Variants in SYT1 observed in about 807,000 individuals in gnomAD.
SYT1 encodes the protein synaptotagmin 1.
SYT1 carries 8 observed loss-of-function variants against 44.8 expected under a neutral mutation model. The ratio of observed to expected loss-of-function variants is 0.18; its 90% CI spans 0.10 to 0.32. SYT1 has a LOEUF of 0.32. SYT1 is among the 10% of genes least tolerant of loss of function. SYT1 has a pLI of 1.00. For synonymous variants in SYT1, 154 were observed against 188.8 expected (o/e 0.82, Z 1.51); for missense variants, 286 against 509.3 (o/e 0.56, Z 4.22).
chr12:79,013,777 A>G (rs1871584841), intron 2 of SYT1, among the ~76,000 whole-genome samples: 1 of 152,194 alleles, frequency 6.6e-6, no homozygotes, highest in Non-Finnish European at 1.5e-5. Context: ...GGGTAAGCTT[A>G]TGAAGGTTTT....
chr12:79,216,291 A>C (rs1415106251), intron 3 of SYT1, among the ~76,000 whole-genome samples: 1 of 152,098 alleles, frequency 6.6e-6, no homozygotes, highest in Non-Finnish European at 1.5e-5. Context: ...GCAAATTAAA[A>C]GGTTTTTATA....
chr12:79,082,271 T>G (rs1201740711), intron 3 of SYT1, among the ~76,000 whole-genome samples: 2 of 152,174 alleles, frequency 1.3e-5, no homozygotes, highest in Non-Finnish European at 2.9e-5. Flanking sequence ...TTCTGTATGT[T>G]TCCACAAAGG....
intron 6 of SYT1, among the ~76,000 whole-genome samples, chr12:79,293,378 AAT>A: frequency 7.1e-6 from 1 of 140,066 alleles, no homozygotes; most frequent in African/African-American, 2.8e-5. Context: ...AATAAAATAA[AAT>A]AAAATAAAAT....
chr12:79,244,079 G>A (rs1284270812), intron 4 of SYT1, among the ~76,000 whole-genome samples: 1 of 152,054 alleles, frequency 6.6e-6, no homozygotes, highest in Non-Finnish European at 1.5e-5. Flanking sequence ...ATTTTCAATT[G>A]TGTTAAAACA....
At chr12:79,346,405 T>G (rs879500824) in intron 8 of SYT1, among the ~76,000 whole-genome samples, 8 of 152,182 alleles carry the variant, frequency 5.3e-5, no homozygotes, top group African/African-American at 9.7e-5. Context: ...AGCAGGTAAA[T>G]TTCTCTGAAT....
intron 1 of SYT1, among the ~76,000 whole-genome samples, chr12:78,901,736 T>C (rs1340215881): frequency 6.6e-6 from 1 of 152,168 alleles, no homozygotes; most frequent in Non-Finnish European, 1.5e-5. Flanking sequence ...CAACTGGTTG[T>C]TGTTGAGTGC....
chr12:79,255,652 G>A (rs1006187543), intron 4 of SYT1, among the ~76,000 whole-genome samples: 1 of 152,176 alleles, frequency 6.6e-6, no homozygotes, highest in African/African-American at 2.4e-5. Flanking sequence ...TTAGCAAAAA[G>A]TAAGGAAGAA....
intron 1 of SYT1, among the ~76,000 whole-genome samples, chr12:78,892,372 T>C (rs1875107034): frequency 6.6e-6 from 1 of 151,740 alleles, no homozygotes; most frequent in Admixed American, 6.6e-5. Context: ...ATTAGCTTAG[T>C]CACATACACC....
intron 3 of SYT1, among the ~76,000 whole-genome samples, chr12:79,148,086 TA>T (rs1870035530): frequency 6.6e-6 from 1 of 152,208 alleles, no homozygotes; most frequent in Non-Finnish European, 1.5e-5. Flanking sequence ...AAGTTTGTGA[TA>T]AATGGTTCAT....
chr12:79,328,855 A>C (rs1317922014), intron 8 of SYT1, among the ~76,000 whole-genome samples: 7 of 152,082 alleles, frequency 4.6e-5, no homozygotes, highest in Non-Finnish European at 8.8e-5. Context: ...CAAAAAAAAA[A>C]AAAAAAATTA....
At chr12:79,117,991 A>G (rs1879394809) in intron 3 of SYT1, among the ~76,000 whole-genome samples, 1 of 152,026 alleles carries the variant, frequency 6.6e-6, no homozygotes, top group African/African-American at 2.4e-5. Context: ...GTACTGAGCT[A>G]GACACGTGGA....
At chr12:78,936,255 T>C (rs1245223109) in intron 1 of SYT1, among the ~76,000 whole-genome samples, 2 of 152,160 alleles carry the variant, frequency 1.3e-5, no homozygotes, top group African/African-American at 4.8e-5. Context: ...GGACATAGTA[T>C]TCATTGTTTC....
At chr12:78,931,763 C>T (rs1041556340) in intron 1 of SYT1, among the ~76,000 whole-genome samples, 7 of 152,154 alleles carry the variant, frequency 4.6e-5, no homozygotes, top group African/African-American at 1.7e-4. Context: ...TTATTTGATG[C>T]TGCCTCTGGA....
chr12:79,141,128 T>C (rs1335346586), intron 3 of SYT1, among the ~76,000 whole-genome samples: 3 of 152,250 alleles, frequency 2.0e-5, no homozygotes, highest in African/African-American at 7.2e-5. Flanking sequence ...AAGTTCAGTA[T>C]TGTTTTTAAT....
intron 4 of SYT1, among the ~76,000 whole-genome samples, chr12:79,252,010 A>AG (rs57839381): frequency 3.8e-4 from 57 of 149,334 alleles, no homozygotes; most frequent in Non-Finnish European, 6.8e-4. Flanking sequence ...ATAGATAGAT[A>AG]ATATATAGAC....
At chr12:79,179,354 C>CGATATGTCTATATCGATATAGATATA (rs1872265099) in intron 3 of SYT1, among the ~76,000 whole-genome samples, 2 of 61,076 alleles carry the variant, frequency 3.3e-5, no homozygotes, top group African/African-American at 1.6e-4. Context: ...ATGTCTATAT[C>CGATATGTCTATATCGATATAGATATA]GATATAGATA....
chr12:79,349,064 G>A (rs1465072108), intron 8 of SYT1, among the ~76,000 whole-genome samples: 196 of 132,348 alleles, frequency 1.5e-3, no homozygotes, highest in African/African-American at 5.3e-3. Context: ...AAAGGAGGGA[G>A]GGAGGGAGGG....
At chr12:78,931,372 G>A (rs1592575342) in intron 1 of SYT1, among the ~76,000 whole-genome samples, 1 of 104,936 alleles carries the variant, frequency 9.5e-6, no homozygotes, top group African/African-American at 3.9e-5. Context: ...AAGGAAGGAA[G>A]GAAGGAAGGA....
chr12:79,038,930 G>C (rs552134476), intron 2 of SYT1, among the ~76,000 whole-genome samples: 30 of 152,126 alleles, frequency 2.0e-4, no homozygotes, highest in South Asian at 1.4e-3. Flanking sequence ...GTAAATATGA[G>C]TTGTCATTCT....
Sources: gnomAD v4.1 joint callset for allele counts (sites outside exome capture counted in the v4.1 genomes callset) on GRCh38, gnomAD v4.1.1 for gene constraint, MANE v1.5 for transcripts, NCBI Gene and HGNC (gene_info 2026-07-23, HGNC 2026-07-21) for gene names.